The following ADGRL2 variants were observed in gnomAD, a reference collection of about 807,000 sequenced individuals.
ADGRL2 encodes the protein adhesion G protein-coupled receptor L2.
ADGRL2 carries 44 observed loss-of-function variants against 157.4 expected under a neutral mutation model. That is an observed-to-expected ratio of 0.28 (90% CI 0.22 to 0.36). The LOEUF (loss-of-function observed/expected upper bound fraction) is 0.36. Among genes scored for constraint, ADGRL2 ranks in the 10% least tolerant of loss-of-function variants. ADGRL2 has a pLI of 1.00. For missense variants in ADGRL2, 1,510 were observed against 1,768.9 expected, an observed-to-expected ratio of 0.85 and a Z score of 2.63; for synonymous variants, 585 against 624.7, an observed-to-expected ratio of 0.94 and a Z score of 0.95.
intron 3 of ADGRL2, among the ~76,000 whole-genome samples, chr1:81,659,641 T>A (rs1446996608): frequency 6.6e-6 from 1 of 152,182 alleles, no homozygotes; most frequent in East Asian, 1.9e-4. Flanking sequence ...ATTGTCATAT[T>A]GTGCAAAGAC....
rs910488965 is a variant in ADGRL2, at chr1:81,586,566, C to T, written c.-143+5586C>T. On this transcript the variant is annotated intron_variant, in intron 3 of 24. Transcript: ENST00000370721. The stretch of plus-strand genomic sequence containing the variant: ...TTGAAAAAATATGTTTATTTGAACT[C>T]CCTTAGGTGAGATTCACAACCCAGC... Among the ~76,000 whole-genome samples the T allele has an allele frequency of 5.9e-5, 9 of 151,906 alleles. No homozygotes were observed. In the East Asian group the frequency reaches 1.7e-3, roughly 29 times the overall value.
chr1:81,353,412 A>G (rs1391091826), intron 1 of ADGRL2, among the ~76,000 whole-genome samples: 2 of 152,160 alleles, frequency 1.3e-5, no homozygotes, highest in African/African-American at 4.8e-5. Flanking sequence ...GAGAGGAACA[A>G]GAGTGTAGGA....
At chr1:81,782,329 A>G (rs1159625933) in intron 2 of ADGRL2, among the ~76,000 whole-genome samples, 1 of 152,234 alleles carries the variant, frequency 6.6e-6, no homozygotes, top group African/African-American at 2.4e-5. Flanking sequence ...AAGAGCACAC[A>G]TCTTCAAATA....
chr1:81,366,347 T>C (rs1187561023), intron 1 of ADGRL2, among the ~76,000 whole-genome samples: 1 of 151,842 alleles, frequency 6.6e-6, no homozygotes, highest in Admixed American at 6.6e-5. Flanking sequence ...TTAAAAAGAC[T>C]TTTTTATTGA....
In ADGRL2 at chr1:81,371,194, C is replaced by T. The variant is rs530195091; in HGVS notation, c.-302+64685C>T. The stretch of plus-strand genomic sequence containing the variant: ...AGCCAAGGCTACTAGAACCGACCAC[C>T]TCACCCTTCTTATGCCTGTTTGAAC... On this transcript the variant is annotated intron_variant, in intron 1 of 24. Coordinates refer to the ADGRL2 transcript ENST00000370721. Among the ~76,000 whole-genome samples, 12 of 152,290 alleles carry T rather than the reference C, an allele frequency of 7.9e-5. No individual in the cohort carries two copies. The South Asian group carries it at 2.5e-3, about 32-fold the overall frequency.
At chr1:81,328,569 C>G (rs1661055170) in intron 1 of ADGRL2, among the ~76,000 whole-genome samples, 1 of 152,038 alleles carries the variant, frequency 6.6e-6, no homozygotes, top group Non-Finnish European at 1.5e-5. Context: ...AAAGTGAATT[C>G]ATAATATTGA....
At chr1:81,945,284 C>A (rs1236143434) in intron 6 of ADGRL2, among the ~76,000 whole-genome samples, 1 of 152,024 alleles carries the variant, frequency 6.6e-6, no homozygotes, top group Non-Finnish European at 1.5e-5. Flanking sequence ...AAACTTAAGG[C>A]ATTGACAGAC....
intron 2 of ADGRL2, among the ~76,000 whole-genome samples, chr1:81,457,222 C>A (rs1432806212): frequency 1.3e-5 from 2 of 152,022 alleles, no homozygotes; most frequent in East Asian, 3.9e-4. Context: ...TACAATATAA[C>A]AAAAAGGTCT....
At chr1:81,814,950 A>G (rs1038727053) in intron 1 of ADGRL2, among the ~76,000 whole-genome samples, 62 of 151,896 alleles carry the variant, frequency 4.1e-4, no homozygotes, top group Middle Eastern at 3.4e-3. Flanking sequence ...ACCTTTATTT[A>G]AAAATAAACA....
intron 17 of ADGRL2, among the ~76,000 whole-genome samples, chr1:81,973,118 A>G (rs1369755085): frequency 6.6e-6 from 1 of 152,200 alleles, no homozygotes; most frequent in African/African-American, 2.4e-5. Context: ...CTTGAAGGAA[A>G]CTTAAAACCA....
At chr1:81,641,679 T>C (rs1229684601) in intron 3 of ADGRL2, among the ~76,000 whole-genome samples, 1 of 152,100 alleles carries the variant, frequency 6.6e-6, no homozygotes, top group Non-Finnish European at 1.5e-5. Context: ...GCAGAGAAAG[T>C]AGTGCTCAGA....
At chr1:81,933,049 G>C (rs1004021661) in intron 3 of ADGRL2, among the ~76,000 whole-genome samples, 2 of 152,072 alleles carry the variant, frequency 1.3e-5, no homozygotes, top group African/African-American at 4.8e-5. Context: ...GGTGCTGTTG[G>C]TATGAGGACC....
At chr1:81,567,262 A>G (rs1037517098) in intron 2 of ADGRL2, among the ~76,000 whole-genome samples, 47 of 152,282 alleles carry the variant, frequency 3.1e-4, no homozygotes, top group African/African-American at 1.1e-3. Flanking sequence ...TAAAATAAGC[A>G]AAATTTAAAA....
chr1:81,669,869 G>A lies in ADGRL2; in HGVS notation c.-143+88889G>A, dbSNP rs538778276. 9.2e-5 allele frequency among the ~76,000 whole-genome samples: 14 copies of A among 151,644 alleles called. No homozygotes were observed. The East Asian group carries it at 2.5e-3, about 28-fold the overall frequency. ...GAGGCAGGAGAATGGCATGAACCCG[G>A]GAGGCGGAGCTTGCAGTGAGTCGAG... On this transcript the variant is annotated intron_variant, in intron 3 of 24. Coordinates refer to the ADGRL2 transcript ENST00000370721.
At chr1:81,876,718 T>C (rs2093850944) in intron 2 of ADGRL2, among the ~76,000 whole-genome samples, 1 of 152,160 alleles carries the variant, frequency 6.6e-6, no homozygotes, top group Non-Finnish European at 1.5e-5. Context: ...CTTGATGTTT[T>C]TGTTCAGGGT....
Position 81,310,165 on chromosome 1 carries a change from G to A in ADGRL2, c.-302+3656G>A, listed in dbSNP as rs535171014. Among the ~76,000 whole-genome samples the A allele has an allele frequency of 2.6e-5, 4 of 152,208 alleles. No individual in the cohort carries two copies. In the East Asian group the frequency reaches 7.7e-4, roughly 29 times the overall value. ...TGAAGTAGCAATGCATGTTTAAACGGTCTGACGGTGAAACATTGAATATAA... is the reference window on the plus strand; with the variant it reads ...TGAAGTAGCAATGCATGTTTAAACGATCTGACGGTGAAACATTGAATATAA... On this transcript the variant is annotated intron_variant, in intron 1 of 24. Transcript: ENST00000370721.
intron 1 of ADGRL2, chr1:81,721,858 G>GGA: frequency 1.4e-6 from 1 of 729,068 alleles, no homozygotes; most frequent in Non-Finnish European, 2.3e-6. Context: ...ATACCAAGGG[G>GGA]AAAAAAAAAA....
intron 1 of ADGRL2, among the ~76,000 whole-genome samples, chr1:81,344,666 C>CAAAAAA (rs71592731): frequency 5.4e-5 from 3 of 56,012 alleles, no homozygotes; most frequent in Non-Finnish European, 6.8e-5. Flanking sequence ...AACTCTGTCT[C>CAAAAAA]AAAAAAAAAA....
intron 1 of ADGRL2, among the ~76,000 whole-genome samples, chr1:81,378,471 C>T (rs2076289063): frequency 6.7e-6 from 1 of 150,360 alleles, no homozygotes. Context: ...GAGATGGGAG[C>T]ATCACCTGAA....
Sources: gnomAD v4.1 joint callset for allele counts (sites outside exome capture counted in the v4.1 genomes callset) on GRCh38, gnomAD v4.1.1 for gene constraint, MANE v1.5 for transcripts, NCBI Gene and HGNC (gene_info 2026-07-23, HGNC 2026-07-21) for gene names.